Variants in HERC5 observed in about 807,000 individuals in gnomAD.
HERC5 encodes HECT and RLD domain containing E3 ubiquitin protein ligase 5.
Under a neutral mutation model 119.6 loss-of-function variants are expected in HERC5, and 99 were observed. That is an observed-to-expected ratio of 0.83 (90% CI 0.70 to 0.98). The LOEUF (loss-of-function observed/expected upper bound fraction) is 0.98. Ranked by LOEUF, HERC5 falls within the 50% of genes least tolerant of loss-of-function variation. HERC5 has a pLI of 0.00. For synonymous variants in HERC5, 478 were observed against 445.9 expected, an observed-to-expected ratio of 1.07 and a Z score of -0.91; for missense variants, 1,267 against 1,241.3, an observed-to-expected ratio of 1.02 and a Z score of -0.31.
intron 7 of HERC5, 53 bp downstream of exon 7, chr4:88,467,257 A>G (rs1740704272): frequency 1.9e-6 from 3 of 1,559,052 alleles, no homozygotes; most frequent in Non-Finnish European, 2.6e-6. Flanking sequence ...AGAGAAAATG[A>G]TTTTTCTAAC....
intron 18 of HERC5, among the ~76,000 whole-genome samples, chr4:88,498,191 A>G (rs2149108138): frequency 6.6e-6 from 1 of 152,266 alleles, no homozygotes; most frequent in African/African-American, 2.4e-5. Context: ...AACTGCAGAG[A>G]GCCCCCACTA....
Position 88,489,121 on chromosome 4 carries a change from C to A in HERC5, c.1963-45C>A, listed in dbSNP as rs755388589. ...TTTCCAAATTTTTACTTAGAGAGGG[C>A]CAATGGTAAAATGAAGTGTAATATT... On this transcript the variant is annotated intron_variant, in intron 15 of 22. Transcript: ENST00000264350. 2.2e-5 allele frequency: 34 copies of A among 1,524,160 alleles called. No individual in the cohort carries two copies. In the African/African-American group the frequency reaches 4.6e-4, roughly 20 times the overall value. 94.4% of individuals were successfully genotyped at this position (1,524,160 alleles called of 1,614,324 possible).
chr4:88,462,203 A>G lies in HERC5; in HGVS notation c.535A>G (p.Thr179Ala). Reference protein sequence around the residue: ...QLGVGRKFPSTTTPQIVEHLA... With the variant: ...QLGVGRKFPSATTPQIVEHLA... ...TGGAGTTGGAAGGAAATTTCCCTCAACCACCACACCACAGATTGTGGAGCA... is the reference window on the plus strand; with the variant it reads ...TGGAGTTGGAAGGAAATTTCCCTCAGCCACCACACCACAGATTGTGGAGCA... The change falls in exon 4 of 23, where the codon ACC (threonine) becomes GCC (alanine). Residue 179 changes from threonine to alanine, a missense_variant. Coordinates refer to ENST00000264350, the MANE Select transcript of HERC5 (RefSeq NM_016323.4). The G allele has an allele frequency of 4.3e-6, 7 of 1,614,178 alleles. No homozygotes were observed. Among genetic ancestry groups the G allele is most frequent in the Non-Finnish European group, 5.9e-6 (7 of 1,180,034 alleles).
At position 88,463,963 on chromosome 4, in the gene HERC5, G is replaced by A. The variant is rs1429522267; in HGVS notation, c.889G>A (p.Val297Met). ...GGTGGCTGAGCTTGTTGGGTATAGAGTGACTCAGATAGCATGTGGAAGGTA... is the reference window on the plus strand; with the variant it reads ...GGTGGCTGAGCTTGTTGGGTATAGAATGACTCAGATAGCATGTGGAAGGTA... ...CLVAELVGYR[V>M]TQIACGRWHT... is the part of the protein sequence containing the mutation. Residue 297 changes from valine to methionine, a missense_variant, in exon 6 of 23, where the codon GTG becomes ATG. By Grantham distance (21) the Val-to-Met change is conservative (BLOSUM62 1). Around this residue, in one of 3 missense-constraint regions of HERC5, gnomAD observed 777 missense variants for 758.0 expected, o/e 1.03. Coordinates refer to ENST00000264350, the MANE Select transcript of HERC5 (RefSeq NM_016323.4). 6.2e-7 allele frequency: 1 copy of A among 1,613,704 alleles called. No individual in the cohort carries two copies. The highest frequency in any genetic ancestry group is 1.7e-5 in the Admixed American group (1 of 59,934).
chr4:88,473,060 C>A (rs1355264529), intron 11 of HERC5: 1 of 151,504 alleles, frequency 6.6e-6, no homozygotes, highest in Non-Finnish European at 1.5e-5. Flanking sequence ...AACATGCTTC[C>A]TTTATTTTTA....
chr4:88,479,294 A>AG, intron 12 of HERC5, 59 bp from the exon 13 acceptor site: 1 of 1,434,966 alleles, frequency 7.0e-7, no homozygotes, highest in Middle Eastern at 2.1e-4. Context: ...CAAAAAAAAA[A>AG]AAAAAAAAGC....
chr4:88,502,212 G>T (rs1279489291), intron 20 of HERC5, among the ~76,000 whole-genome samples: 1 of 152,200 alleles, frequency 6.6e-6, no homozygotes, highest in Non-Finnish European at 1.5e-5. Flanking sequence ...ATTTCTGTTG[G>T]TATGTAACTG....
intron 12 of HERC5, among the ~76,000 whole-genome samples, chr4:88,478,571 A>G (rs1741163213): frequency 6.6e-6 from 1 of 152,004 alleles, no homozygotes; most frequent in Admixed American, 6.6e-5. Context: ...TAGGGATTTT[A>G]TTGTTGTTAA....
At chr4:88,493,384 T>C (rs1741705058) in intron 17 of HERC5, among the ~76,000 whole-genome samples, 1 of 152,168 alleles carries the variant, frequency 6.6e-6, no homozygotes, top group South Asian at 2.1e-4. Context: ...TTTTTGATCA[T>C]TTATATAATG....
intron 20 of HERC5, 138 bp from the exon 21 acceptor site, chr4:88,504,094 A>G: frequency 2.0e-6 from 1 of 498,088 alleles, no homozygotes; most frequent in Non-Finnish European, 3.5e-6. Flanking sequence ...ACATTAGATA[A>G]TCTCTAGTAA....
chr4:88,484,609 C>G (rs1490673926), intron 13 of HERC5, among the ~76,000 whole-genome samples: 1 of 152,130 alleles, frequency 6.6e-6, no homozygotes, highest in Admixed American at 6.6e-5. Context: ...GTCCTGGGGT[C>G]AAGGTGGAGG....
chr4:88,466,961 C>T (rs977922096), intron 6 of HERC5, 98 bp from the exon 7 acceptor site: 1 of 1,165,566 alleles, frequency 8.6e-7, no homozygotes, highest in African/African-American at 1.5e-5. Context: ...TAGTTTCACT[C>T]TCACTGGGTA....
chr4:88,488,164 T>C (rs1741526834), intron 15 of HERC5, among the ~76,000 whole-genome samples: 1 of 152,030 alleles, frequency 6.6e-6, no homozygotes, highest in South Asian at 2.1e-4. Flanking sequence ...TAAACAAGGT[T>C]CCAGAGATAA....
rs866008675 is a variant in HERC5, at chr4:88,490,545, A to G, written c.2133+1209A>G. On this transcript the variant is annotated intron_variant, in intron 16 of 22. Transcript: ENST00000264350. ...TGACTTTACCAAGTCTCAAGATACC[A>G]ATTTAAAAGCATATTGCCCCAGACA... is the stretch of plus-strand genomic sequence containing the variant. Among the ~76,000 whole-genome samples the G allele has an allele frequency of 3.9e-5, 6 of 152,294 alleles. No individual in the cohort carries two copies. The South Asian group carries it at 8.3e-4, about 21-fold the overall frequency.
intron 8 of HERC5, 107 bp downstream of exon 8, chr4:88,468,529 C>A: frequency 3.0e-6 from 2 of 673,840 alleles, no homozygotes; most frequent in Non-Finnish European, 5.1e-6. Context: ...ACCAGGCTGA[C>A]TTTTTGGGGG....
chr4:88,493,741 A>G (rs1349783923), intron 17 of HERC5, among the ~76,000 whole-genome samples: 1 of 151,746 alleles, frequency 6.6e-6, no homozygotes, highest in Non-Finnish European at 1.5e-5. Flanking sequence ...CGGGATTACA[A>G]TAACTGGGAT....
intron 18 of HERC5, among the ~76,000 whole-genome samples, chr4:88,495,486 G>A (rs912581361): frequency 2.6e-5 from 4 of 152,176 alleles, no homozygotes; most frequent in Non-Finnish European, 5.9e-5. Flanking sequence ...ATTGAGCTCA[G>A]GAGGTCGAAG....
At chr4:88,491,447 CTG>C (rs1333393264) in intron 16 of HERC5, among the ~76,000 whole-genome samples, 1 of 152,128 alleles carries the variant, frequency 6.6e-6, no homozygotes, top group African/African-American at 2.4e-5. Flanking sequence ...TAGGATAGAA[CTG>C]TCTGCAATTC....
At chr4:88,489,735 A>G (rs1741574713) in intron 16 of HERC5, among the ~76,000 whole-genome samples, 1 of 152,186 alleles carries the variant, frequency 6.6e-6, no homozygotes, top group Admixed American at 6.5e-5. Context: ...TGGGACAGGC[A>G]TGGTGACTCA....
Sources: gnomAD v4.1 joint callset for allele counts (sites outside exome capture counted in the v4.1 genomes callset) on GRCh38, gnomAD v4.1.1 for gene constraint, gnomAD v4.1.1 regional missense constraint, MANE v1.5 for transcripts, NCBI Gene and HGNC (gene_info 2026-07-23, HGNC 2026-07-21) for gene names.